ABRAXAS2: variants seen among roughly 807,000 people sequenced by gnomAD.
ABRAXAS2 encodes the protein abraxas 2, BRISC complex subunit.
Under a neutral mutation model 49.0 loss-of-function variants are expected in ABRAXAS2, and 23 were observed. The ratio of observed to expected loss-of-function variants is 0.47; its 90% CI spans 0.34 to 0.66. The LOEUF (loss-of-function observed/expected upper bound fraction) is 0.66, where lower values mean the gene tolerates loss of function less well. Among genes scored for constraint, ABRAXAS2 ranks in the 30% least tolerant of loss-of-function variants. ABRAXAS2 has a pLI of 0.01. For missense variants in ABRAXAS2, 443 were observed against 511.9 expected, an observed-to-expected ratio of 0.87 and a Z score of 1.30; for synonymous variants, 168 against 180.2, an observed-to-expected ratio of 0.93 and a Z score of 0.54.
chr10:124,830,955 C>T (rs1376973252), intron 7 of ABRAXAS2, among the ~76,000 whole-genome samples: 2 of 152,108 alleles, frequency 1.3e-5, no homozygotes, highest in African/African-American at 4.8e-5. Context: ...ATTGTCTTAT[C>T]TGATTTTTTG....
chr10:124,805,206 G>C (rs1483162985), intron 1 of ABRAXAS2, among the ~76,000 whole-genome samples: 1 of 151,918 alleles, frequency 6.6e-6, no homozygotes, highest in East Asian at 2.0e-4. Context: ...GGTGGCGGGC[G>C]CCTGTAGTCC....
Position 124,815,892 on chromosome 10 carries a change from C to CTT in ABRAXAS2, c.164-662_164-661dup, listed in dbSNP as rs34730970. On this transcript the variant is annotated intron_variant, in intron 2 of 8. Coordinates refer to ENST00000298492, the MANE Select transcript of ABRAXAS2 (RefSeq NM_032182.4). Reference sequence around the variant, plus strand: ...CTCTGTCCCCAAGCTGTCCTCGCAGCTTTTTTTTTTTTTTTTTTTTTTTAA... The same window carrying CTT: ...CTCTGTCCCCAAGCTGTCCTCGCAGCTTTTTTTTTTTTTTTTTTTTTTTTTAA... Among the ~76,000 whole-genome samples the CTT allele has an allele frequency of 2.4e-3, 223 of 94,618 alleles. 1 individual carries two copies. Among genetic ancestry groups the CTT allele is most frequent in the African/African-American group, 5.8e-3 (141 of 24,464 alleles). 62.1% of individuals were successfully genotyped at this position (94,618 alleles called of 152,430 possible). A position where few individuals can be genotyped will look rare whatever the true frequency, so the allele number is the denominator to read the frequency against.
chr10:124,834,872 T>C lies in ABRAXAS2; in HGVS notation c.1149T>C (p.Pro383=), dbSNP rs773272859. 6.2e-7 allele frequency: 1 copy of C among 1,614,128 alleles called. No homozygotes were observed. Among genetic ancestry groups the C allele is most frequent in the Admixed American group, 1.7e-5 (1 of 60,000 alleles). The part of the protein sequence containing the change: ...DDSDYENLID[P]TEPSNSEYSH... ...GTGATTATGAAAATTTGATTGACCC[T>C]ACAGAGCCTTCTAATAGTGAATACT... The change falls in exon 9 of 9, where the codon CCT becomes CCC. Residue 383 remains proline (P), a synonymous_variant. Coordinates refer to ENST00000298492, the MANE Select transcript of ABRAXAS2 (RefSeq NM_032182.4).
chr10:124,801,938 T>C, intron 1 of ABRAXAS2, 37 bp downstream of exon 1: 1 of 1,599,330 alleles, frequency 6.3e-7, no homozygotes, highest in Non-Finnish European at 8.6e-7. Context: ...CGCTGGGGGC[T>C]TTCAGCCTCT....
Position 124,801,910 on chromosome 10 carries a change from C to T in ABRAXAS2, c.72+9C>T. On this transcript the variant is annotated intron_variant, in intron 1 of 8. Transcript: ENST00000298492. ...ACAGCAACGCGGACCACGTAGGTGCCGGGCCCCCTGCCGCGCCCGCTGGGG... is the reference window on the plus strand; with the variant it reads ...ACAGCAACGCGGACCACGTAGGTGCTGGGCCCCCTGCCGCGCCCGCTGGGG... The T allele has an allele frequency of 1.2e-6, 2 of 1,611,422 alleles. No individual in the cohort carries two copies. Among genetic ancestry groups the T allele is most frequent in the Non-Finnish European group, 8.5e-7 (1 of 1,179,078 alleles).
chr10:124,820,395 T>C (rs1481662145), intron 4 of ABRAXAS2, among the ~76,000 whole-genome samples: 1 of 152,214 alleles, frequency 6.6e-6, no homozygotes, highest in Non-Finnish European at 1.5e-5. Flanking sequence ...TGGAATCTCT[T>C]AGCAGCCCGT....
chr10:124,833,342 C>T (rs1471465885), intron 8 of ABRAXAS2, among the ~76,000 whole-genome samples: 10 of 150,534 alleles, frequency 6.6e-5, no homozygotes, highest in Admixed American at 5.3e-4. Context: ...GCATGCACCT[C>T]TAGTCCCAGC....
rs143696470 is a variant in ABRAXAS2, at chr10:124,834,624, G to A, written c.901G>A (p.Ala301Thr). ...CAGAAGTACACTTGGAGATGCAGAG[G>A]CCTCGGATCCTCCTCCCCCTTACTC... ...EGRSTLGDAEASDPPPPYSDF... is the reference protein window; with the variant it reads ...EGRSTLGDAETSDPPPPYSDF... The change falls in exon 9 of 9, where the codon GCC (alanine) becomes ACC (threonine). Residue 301 changes from alanine to threonine, a missense_variant. Physicochemically the swap from Ala to Thr is moderately conservative, Grantham distance 58. Transcript: ENST00000298492. 6.2e-7 allele frequency: 1 copy of A among 1,613,988 alleles called. No homozygotes were observed. Among genetic ancestry groups the A allele is most frequent in the Non-Finnish European group, 8.5e-7 (1 of 1,180,032 alleles).
chr10:124,806,305 CAAAAAAAAAAGA>C (rs941752187), intron 1 of ABRAXAS2, among the ~76,000 whole-genome samples: 2 of 94,766 alleles, frequency 2.1e-5, no homozygotes, highest in Non-Finnish European at 4.3e-5. Flanking sequence ...GATTCCGTCT[CAAAAAAAAAAGA>C]AAAAAAAAAA....
Position 124,831,359 on chromosome 10 carries a change from C to T in ABRAXAS2, c.674C>T (p.Ala225Val). 1.2e-6 allele frequency: 2 copies of T among 1,607,398 alleles called. No homozygotes were observed. The highest frequency in any genetic ancestry group is 1.1e-5 in the South Asian group (1 of 90,868). The change falls in exon 8 of 9, where the codon GCA (alanine) becomes GTA (valine). Residue 225 changes from alanine (A) to valine (V), a missense_variant. Coordinates refer to ENST00000298492, the MANE Select transcript of ABRAXAS2 (RefSeq NM_032182.4). ...CATTTTTTTCCTCAGGCAGTGTGTG[C>T]AGATGTTGAAAAGAGTGAGCGAGTT... ...ALQEKVQAVC[A>V]DVEKSERVVE...
At chr10:124,824,701 G>C (rs559987360) in intron 4 of ABRAXAS2, among the ~76,000 whole-genome samples, 55 of 152,282 alleles carry the variant, frequency 3.6e-4, no homozygotes, top group Middle Eastern at 3.4e-3. Flanking sequence ...GCACTGTTCA[G>C]GTCTTTGCAG....
intron 3 of ABRAXAS2, among the ~76,000 whole-genome samples, chr10:124,817,561 G>T (rs1404645993): frequency 6.6e-6 from 1 of 151,730 alleles, no homozygotes; most frequent in Non-Finnish European, 1.5e-5. Context: ...TTCTAGCACT[G>T]CCCACACGAA....
At chr10:124,804,140 C>T (rs1950724864) in intron 1 of ABRAXAS2, among the ~76,000 whole-genome samples, 1 of 152,084 alleles carries the variant, frequency 6.6e-6, no homozygotes, top group Non-Finnish European at 1.5e-5. Flanking sequence ...TGGCCTTAAG[C>T]GATCTTCCGT....
chr10:124,816,547 T>C, intron 2 of ABRAXAS2, 29 bp from the exon 3 acceptor site: 1 of 1,542,220 alleles, frequency 6.5e-7, no homozygotes, highest in Non-Finnish European at 8.9e-7. Context: ...CATGATTAAC[T>C]AAGATGTATT....
At chr10:124,832,626 C>T (rs1950940376) in intron 8 of ABRAXAS2, among the ~76,000 whole-genome samples, 1 of 152,044 alleles carries the variant, frequency 6.6e-6, no homozygotes, top group Non-Finnish European at 1.5e-5. Context: ...AGGCAGATCA[C>T]CTGAGGTCAG....
chr10:124,831,644 G>C (rs1224931855), intron 8 of ABRAXAS2, among the ~76,000 whole-genome samples, 181 bp downstream of exon 8: 1 of 152,020 alleles, frequency 6.6e-6, no homozygotes, highest in African/African-American at 2.4e-5. Context: ...TTTCATAGTA[G>C]CCCCCTCAAT....
intron 4 of ABRAXAS2, among the ~76,000 whole-genome samples, chr10:124,824,534 C>CAAAAA (rs531680713): frequency 1.3e-5 from 1 of 78,198 alleles, no homozygotes; most frequent in Non-Finnish European, 3.1e-5. Context: ...TCTCAAAAAC[C>CAAAAA]AAAAAAAAAA....
At position 124,831,566 on chromosome 10, in the gene ABRAXAS2, A is replaced by G. The variant is rs576045441; in HGVS notation, c.778+103A>G. ...TATGTGCCTCTTTCTACGCTCATCC[A>G]GTCTCAGATTAGCCTGGCTGGGGCA... On this transcript the variant is annotated intron_variant, in intron 8 of 8. Coordinates refer to ENST00000298492, the MANE Select transcript of ABRAXAS2 (RefSeq NM_032182.4). The G allele has an allele frequency of 5.2e-5, 32 of 617,894 alleles. No individual in the cohort carries two copies. In the African/African-American group the frequency reaches 5.9e-4, roughly 11 times the overall value. The allele number at this position is 617,894 out of a possible 1,614,324, so 38.3% of individuals were successfully genotyped here.
intron 1 of ABRAXAS2, among the ~76,000 whole-genome samples, chr10:124,802,338 TGTC>T (rs1481289665): frequency 6.6e-6 from 1 of 152,210 alleles, no homozygotes; most frequent in Non-Finnish European, 1.5e-5. Context: ...TCTCGCAGGT[TGTC>T]GTGGGGGTGC....
Sources: allele counts gnomAD v4.1 joint callset (sites outside exome capture counted in the v4.1 genomes callset), GRCh38; gene constraint gnomAD v4.1.1; transcripts MANE v1.5; gene names NCBI Gene and HGNC (gene_info 2026-07-23, HGNC 2026-07-21).